Variants in MYO9A observed in about 807,000 individuals in gnomAD.
The protein encoded by MYO9A is myosin IXA.
A neutral mutation model predicts 293.3 loss-of-function variants in MYO9A; 103 were observed. The observed-to-expected ratio is 0.35, with a 90% CI of 0.30 to 0.41. The LOEUF (loss-of-function observed/expected upper bound fraction) is 0.41, where lower values mean the gene tolerates loss of function less well. Ranked by LOEUF, MYO9A falls within the 10% of genes least tolerant of loss-of-function variation. The pLI is 1.00. For missense variants in MYO9A, 2,685 were observed against 3,033.0 expected, an observed-to-expected ratio of 0.89 and a Z score of 2.69; for synonymous variants, 1,001 against 1,035.7, an observed-to-expected ratio of 0.97 and a Z score of 0.64.
intron 13 of MYO9A, among the ~76,000 whole-genome samples, chr15:71,966,745 A>C (rs115637490): frequency 3.9e-5 from 6 of 152,312 alleles, no homozygotes; most frequent in African/African-American, 1.2e-4. Flanking sequence ...AAAGTGACTT[A>C]ACTGATCTTC....
intron 1 of MYO9A, among the ~76,000 whole-genome samples, chr15:72,102,465 C>A (rs1596580929): frequency 7.2e-6 from 1 of 139,520 alleles, no homozygotes; most frequent in African/African-American, 2.7e-5. Context: ...CTGTGAGAAA[C>A]ACCCAAGAAT....
chr15:72,019,270 G>A (rs922766663), intron 5 of MYO9A, among the ~76,000 whole-genome samples, 175 bp from the exon 6 acceptor site: 1 of 152,144 alleles, frequency 6.6e-6, no homozygotes, highest in Non-Finnish European at 1.5e-5. Context: ...ACTGTATACT[G>A]TACTACCGAA....
intron 11 of MYO9A, among the ~76,000 whole-genome samples, chr15:71,980,021 CTTTTT>C (rs896686827): frequency 4.0e-5 from 6 of 150,878 alleles, no homozygotes; most frequent in Non-Finnish European, 7.4e-5. Flanking sequence ...CTACTTTTTT[CTTTTT>C]TTTTAAGAGA....
At chr15:72,100,535 C>G (rs2080242127) in intron 1 of MYO9A, among the ~76,000 whole-genome samples, 1 of 147,424 alleles carries the variant, frequency 6.8e-6, no homozygotes, top group African/African-American at 2.5e-5. Flanking sequence ...TTCCGGCCGC[C>G]ATCACATCTA....
chr15:71,852,341 T>C lies in MYO9A; in HGVS notation c.6347-81A>G, dbSNP rs572559451. On this transcript the variant is annotated intron_variant, in intron 35 of 41. Transcript: ENST00000356056. ...TAATTCACTTTAGAAACTATCATCA[T>C]TAAAGGAAGGCTTCATGTTTCTTTT... The C allele has an allele frequency of 1.3e-4, 166 of 1,305,858 alleles. 3 individuals carry two copies. The Middle Eastern group carries it at 1.6e-3, about 13-fold the overall frequency. The allele number at this position is 1,305,858 out of a possible 1,614,324, so 80.9% of individuals were successfully genotyped here. A position where few individuals can be genotyped will look rare whatever the true frequency, so the allele number is the denominator to read the frequency against.
intron 11 of MYO9A, among the ~76,000 whole-genome samples, chr15:71,990,224 A>T (rs548076334): frequency 6.6e-6 from 1 of 151,658 alleles, no homozygotes; most frequent in Non-Finnish European, 1.5e-5. Flanking sequence ...AGCTGGGACA[A>T]CTGGCATGCA....
chr15:72,019,578 T>C (rs990873758), intron 5 of MYO9A, among the ~76,000 whole-genome samples: 2 of 152,186 alleles, frequency 1.3e-5, no homozygotes, highest in Non-Finnish European at 2.9e-5. Flanking sequence ...TTTAATTCTA[T>C]GTGTAAAAAT....
chr15:72,060,041 C>T (rs1313556511), intron 1 of MYO9A, among the ~76,000 whole-genome samples: 3 of 152,042 alleles, frequency 2.0e-5, no homozygotes, highest in Admixed American at 6.6e-5. Context: ...GTCTTTGAGG[C>T]GAATTACAAA....
Position 71,951,764 on chromosome 15 carries a change from T to G in MYO9A, c.2302+13A>C, listed in dbSNP as rs1488521073. The G allele has an allele frequency of 1.2e-6, 2 of 1,613,652 alleles. No individual in the cohort carries two copies. The highest frequency in any genetic ancestry group is 1.7e-6 in the Non-Finnish European group (2 of 1,179,858). The stretch of plus-strand genomic sequence containing the variant: ...GATATGTGATAACAGTTTATCAGGA[T>G]TTGTAGCCTTACTGTACTTCTCTTC... On this transcript the variant is annotated intron_variant, in intron 15 of 41. Transcript: ENST00000356056.
intron 6 of MYO9A, among the ~76,000 whole-genome samples, chr15:72,013,454 G>A (rs2077231927): frequency 6.6e-6 from 1 of 152,166 alleles, no homozygotes; most frequent in Non-Finnish European, 1.5e-5. Context: ...AAATGGTAAG[G>A]TTCGTTCCAA....
intron 25 of MYO9A, among the ~76,000 whole-genome samples, chr15:71,894,638 G>A (rs1182778329): frequency 6.6e-6 from 1 of 152,086 alleles, no homozygotes; most frequent in Non-Finnish European, 1.5e-5. Context: ...AATCAACACT[G>A]GCAGGGTAAG....
At chr15:72,068,486 CTTT>C (rs11345971) in intron 1 of MYO9A, among the ~76,000 whole-genome samples, 20 of 144,588 alleles carry the variant, frequency 1.4e-4, no homozygotes, top group Non-Finnish European at 1.8e-4. Context: ...CCCAATTTCT[CTTT>C]TTTTTTTTTT....
chr15:72,111,112 T>C (rs1320684350), intron 1 of MYO9A, among the ~76,000 whole-genome samples: 4 of 150,334 alleles, frequency 2.7e-5, no homozygotes, highest in Admixed American at 1.3e-4. Context: ...TGAGCCGAGA[T>C]TGCACCCCTG....
In MYO9A at chr15:71,825,985, G is replaced by GTTTTTTTTTGTTTT. The variant is rs375870941; in HGVS notation, c.*581_*594dup. ...TGATGGCTTAATGGAAACAATCACGGTTTTTTTTTGTTTTTTTTTTTTTGT... is the reference window on the plus strand; with the variant it reads ...TGATGGCTTAATGGAAACAATCACGGTTTTTTTTTGTTTTTTTTTTTTTGTTTTTTTTTTTTTGT... On this transcript the variant is annotated 3_prime_UTR_variant, in exon 42 of 42. Transcript: ENST00000356056. The GTTTTTTTTTGTTTT allele has an allele frequency of 2.5e-5, 3 of 117,684 alleles. No individual in the cohort carries two copies. The highest frequency in any genetic ancestry group is 5.2e-5 in the Non-Finnish European group (3 of 57,198). 7.3% of individuals were successfully genotyped at this position (117,684 alleles called of 1,614,324 possible). A position where few individuals can be genotyped will look rare whatever the true frequency, so the allele number is the denominator to read the frequency against.
chr15:72,046,622 C>A lies in MYO9A; in HGVS notation c.-59G>T. ...TGTTCAAAGTCGTGCAAACCATTTTCTTGGTAAAATAACTGTAACATAAAA... is the reference window on the plus strand; with the variant it reads ...TGTTCAAAGTCGTGCAAACCATTTTATTGGTAAAATAACTGTAACATAAAA... On this transcript the variant is annotated 5_prime_UTR_variant, in exon 2 of 42. Transcript: ENST00000356056. The A allele has an allele frequency of 6.9e-7, 1 of 1,458,614 alleles. No individual in the cohort carries two copies. Among genetic ancestry groups the A allele is most frequent in the Non-Finnish European group, 9.1e-7 (1 of 1,104,030 alleles). 90.4% of individuals were successfully genotyped at this position (1,458,614 alleles called of 1,614,324 possible). A position where few individuals can be genotyped will look rare whatever the true frequency, so the allele number is the denominator to read the frequency against.
intron 6 of MYO9A, among the ~76,000 whole-genome samples, chr15:72,013,331 C>T (rs2077229178): frequency 6.6e-6 from 1 of 152,186 alleles, no homozygotes; most frequent in Non-Finnish European, 1.5e-5. Context: ...GAGCAGGCAG[C>T]TGTTAATTCC....
rs1239215865 is a variant in MYO9A at position 71,823,303 on chromosome 15, T to C, written c.*3277A>G. 1 of 152,236 alleles carries C rather than the reference T, an allele frequency of 6.6e-6. No homozygotes were observed. The highest frequency in any genetic ancestry group is 1.5e-5 in the Non-Finnish European group (1 of 68,042). 9.4% of individuals were successfully genotyped at this position (152,236 alleles called of 1,614,324 possible). On this transcript the variant is annotated 3_prime_UTR_variant, in exon 42 of 42. Transcript: ENST00000356056. ...GCTGGACCACATCTTTTCAGCACAT[T>C]TCTGTGACCCTCTGTTTTTGATGGA...
intron 6 of MYO9A, among the ~76,000 whole-genome samples, chr15:72,012,020 A>C (rs193123060): frequency 8.5e-4 from 130 of 152,336 alleles, no homozygotes; most frequent in Middle Eastern, 3.4e-3. Context: ...GTTTTATAAA[A>C]AGTATTTATC....
intron 9 of MYO9A, among the ~76,000 whole-genome samples, chr15:71,995,480 T>C (rs1306620005): frequency 1.3e-5 from 2 of 151,764 alleles, no homozygotes; most frequent in Non-Finnish European, 2.9e-5. Context: ...AAATTCTCAA[T>C]ACTATCTGCT....
Sources: allele counts gnomAD v4.1 joint callset (sites outside exome capture counted in the v4.1 genomes callset), GRCh38; gene constraint gnomAD v4.1.1; transcripts MANE v1.5; gene names NCBI Gene and HGNC (gene_info 2026-07-23, HGNC 2026-07-21).